The following ATP7B variants were observed in gnomAD, a reference collection of about 807,000 sequenced individuals.
ATP7B encodes ATPase copper transporting beta.
A neutral mutation model predicts 118.9 loss-of-function variants in ATP7B; 113 were observed. The observed-to-expected ratio is 0.95, with a 90% confidence interval of 0.82 to 1.11. ATP7B has a LOEUF of 1.11. Ranked by LOEUF, ATP7B falls within the 50% of genes most tolerant of loss-of-function variation. ATP7B has a pLI of 0.00. For missense variants in ATP7B, 1,867 were observed against 1,871.4 expected, an observed-to-expected ratio of 1.00 and a Z score of 0.04; for synonymous variants, 777 against 727.4, an observed-to-expected ratio of 1.07 and a Z score of -1.10.
At chr13:51,994,674 T>A (rs543766521) in intron 1 of ATP7B, among the ~76,000 whole-genome samples, 2 of 152,330 alleles carry the variant, frequency 1.3e-5, no homozygotes, top group East Asian at 3.9e-4. Context: ...TTTCCTTTAG[T>A]CTTTGGGACT....
Position 51,937,276 on chromosome 13 carries a change from C to A in ATP7B, c.4021G>T (p.Gly1341Cys). 1 of 1,613,758 alleles carries A rather than the reference C, an allele frequency of 6.2e-7. No individual in the cohort carries two copies. Among genetic ancestry groups the A allele is most frequent in the Non-Finnish European group, 8.5e-7 (1 of 1,179,634 alleles). ...YNLVGIPIAA[G>C]VFMPIGIVLQ... ...AGCACAGTGGGTAAGAGCTGCCTAC[C>A]TGCTGCAATGGGTATCCCAACCAGG... is the stretch of plus-strand genomic sequence containing the variant. Residue 1341 changes from glycine to cysteine, a missense_variant and splice_region_variant, in exon 19 of 21, where the codon GGT (glycine) becomes TGT (cysteine). By Grantham distance (159) the Gly-to-Cys change is radical (BLOSUM62 -3). Transcript: ENST00000242839.
rs766820642 is a variant in ATP7B, at chr13:51,950,354, G to C, written c.2493C>G (p.Val831=). The change falls in exon 10 of 21, where the codon GTC becomes GTG. Residue 831 remains valine (V), a synonymous_variant. Transcript: ENST00000242839. ...GAAACTTTCCCCCAGGGACCACCTTGACGATATCGCCCCGCTGCACCAGCT... is the reference window on the plus strand; with the variant it reads ...GAAACTTTCCCCCAGGGACCACCTTCACGATATCGCCCCGCTGCACCAGCT... The part of the protein sequence containing the change: ...PMELVQRGDI[V]KVVPGGKFPV... 1 of 1,614,016 alleles carries C rather than the reference G, an allele frequency of 6.2e-7. No homozygotes were observed. Among genetic ancestry groups the C allele is most frequent in the African/African-American group, 1.3e-5 (1 of 74,908 alleles).
chr13:51,999,773 G>A (rs375249104), intron 1 of ATP7B, among the ~76,000 whole-genome samples: 5 of 152,174 alleles, frequency 3.3e-5, no homozygotes, highest in Middle Eastern at 3.4e-3. Flanking sequence ...TCAGCACCAC[G>A]AACTGCGGGA....
rs146552424 is a variant in ATP7B at position 52,007,232 on chromosome 13, T to C, written c.51+4055A>G. Among the ~76,000 whole-genome samples, 52 of 152,262 alleles carry C rather than the reference T, an allele frequency of 3.4e-4. No homozygotes were observed. In the East Asian group the frequency reaches 9.5e-3, roughly 28 times the overall value. On this transcript the variant is annotated intron_variant, in intron 1 of 20. Transcript: ENST00000242839. ...GAGTTGCAAATAAAAGCTATATTCA[T>C]TAAATAATCATACCAGGTGGTATGA...
At chr13:51,975,192 T>G (rs753428155) in intron 1 of ATP7B, 24 bp from the exon 2 acceptor site, 1 of 1,613,580 alleles carries the variant, frequency 6.2e-7, no homozygotes, top group Non-Finnish European at 8.5e-7. Context: ...AAATAACATT[T>G]TTTAACCTTG....
chr13:52,002,253 A>C (rs1028717037), intron 1 of ATP7B, among the ~76,000 whole-genome samples: 11 of 151,904 alleles, frequency 7.2e-5, no homozygotes, highest in African/African-American at 2.7e-4. Flanking sequence ...AGGACTGCTA[A>C]ACTTTCCGAC....
intron 1 of ATP7B, among the ~76,000 whole-genome samples, chr13:52,001,819 T>C (rs946383439): frequency 6.6e-6 from 1 of 152,214 alleles, no homozygotes; most frequent in South Asian, 2.1e-4. Context: ...AGGACAGGGT[T>C]TCACTCTGTC....
intron 9 of ATP7B, among the ~76,000 whole-genome samples, chr13:51,954,626 G>C (rs1190187754): frequency 4.6e-5 from 7 of 152,204 alleles, no homozygotes; most frequent in Non-Finnish European, 7.3e-5. Context: ...GTGTGAATGA[G>C]GGCAGACAGG....
intron 19 of ATP7B, among the ~76,000 whole-genome samples, chr13:51,936,666 T>C (rs778870139): frequency 6.0e-4 from 92 of 152,206 alleles, no homozygotes; most frequent in Non-Finnish European, 1.1e-3. Context: ...CAGATGGGAC[T>C]AAGGTGTACG....
At chr13:51,942,318 C>T (rs113218782) in intron 15 of ATP7B, 68 bp downstream of exon 15, 17 of 1,604,026 alleles carry the variant, frequency 1.1e-5, no homozygotes, top group East Asian at 6.7e-5. Flanking sequence ...CACTGCTGGG[C>T]GTGGTGCTCT....
chr13:51,956,601 C>A (rs138598399), intron 9 of ATP7B, among the ~76,000 whole-genome samples: 2,749 of 152,246 alleles, frequency 0.018, 36 homozygotes, highest in Non-Finnish European at 0.027. Flanking sequence ...GCTGTGTAGG[C>A]TGAGGGACAG....
intron 1 of ATP7B, 146 bp downstream of exon 1, chr13:52,011,141 C>T (rs777579355): frequency 3.3e-6 from 4 of 1,228,656 alleles, no homozygotes; most frequent in East Asian, 2.3e-5. Flanking sequence ...GGGTCCTTTT[C>T]TCCCACGCCA....
At chr13:51,998,921 C>T (rs1953348681) in intron 1 of ATP7B, among the ~76,000 whole-genome samples, 1 of 152,158 alleles carries the variant, frequency 6.6e-6, no homozygotes. Flanking sequence ...CAGACGAAAT[C>T]CCCAGGCCAT....
intron 9 of ATP7B, 61 bp from the exon 10 acceptor site, chr13:51,950,460 A>G (rs1352971041): frequency 6.2e-7 from 1 of 1,608,636 alleles, no homozygotes; most frequent in African/African-American, 1.3e-5. Context: ...GTCAGGTTCT[A>G]GGCCAGCTGT....
rs587783308 is a variant in ATP7B at position 51,944,183 on chromosome 13, G to A, written c.3169C>T (p.Leu1057=). ...DVATLPLRKV[L]AVVGTAEASS... ...GCCTCCGCAGTCCCCACCACAGCCA[G>A]AACCTTCCTGAGGGGCAGTGTGGCC... is the stretch of plus-strand genomic sequence containing the variant. Residue 1057 remains leucine, a synonymous_variant, in exon 14 of 21, where the codon CTG becomes TTG. Coordinates refer to ENST00000242839, the MANE Select transcript of ATP7B (RefSeq NM_000053.4). The A allele has an allele frequency of 2.5e-6, 4 of 1,614,154 alleles. No individual in the cohort carries two copies. Among genetic ancestry groups the A allele is most frequent in the Non-Finnish European group, 3.4e-6 (4 of 1,180,040 alleles).
intron 1 of ATP7B, among the ~76,000 whole-genome samples, chr13:51,992,577 T>C (rs1331223136): frequency 1.3e-5 from 2 of 152,188 alleles, no homozygotes; most frequent in Admixed American, 6.5e-5. Flanking sequence ...AACTTTTGGG[T>C]TGGTTTTTAT....
At chr13:52,005,715 C>G (rs1046490658) in intron 1 of ATP7B, among the ~76,000 whole-genome samples, 6 of 152,216 alleles carry the variant, frequency 3.9e-5, no homozygotes, top group Admixed American at 1.3e-4. Context: ...CTTCCAGCCT[C>G]TACCCTTTAC....
chr13:52,011,777 C>A (rs1357918102), upstream of ATP7B, among the ~76,000 whole-genome samples: 2 of 152,260 alleles, frequency 1.3e-5, no homozygotes, highest in Non-Finnish European at 2.9e-5. Context: ...TCGGCCACCT[C>A]GCGCTGGTGC....
intron 1 of ATP7B, among the ~76,000 whole-genome samples, chr13:51,985,233 C>A (rs1359674074): frequency 1.3e-5 from 2 of 151,974 alleles, no homozygotes; most frequent in Admixed American, 1.3e-4. Flanking sequence ...ATTTACCAAG[C>A]AAATGGAAAG....
Sources: allele counts gnomAD v4.1 joint callset (sites outside exome capture counted in the v4.1 genomes callset), GRCh38; gene constraint gnomAD v4.1.1; transcripts MANE v1.5; gene names NCBI Gene and HGNC (gene_info 2026-07-23, HGNC 2026-07-21).